PEBP4: variants seen among roughly 807,000 people sequenced by gnomAD.
PEBP4 encodes phosphatidylethanolamine-binding protein 4.
Under a neutral mutation model 23.9 loss-of-function variants are expected in PEBP4, and 22 were observed. The observed-to-expected ratio is 0.92, with a 90% CI of 0.66 to 1.31. The LOEUF is 1.31. Among genes scored for constraint, PEBP4 ranks in the 40% most tolerant of loss-of-function variants. The probability of loss-of-function intolerance (pLI) is 0.00; values close to 1 mark genes in which losing one functional copy is unlikely to be tolerated. For missense variants in PEBP4, 324 were observed against 281.7 expected (o/e 1.15, Z -1.07); for synonymous variants, 112 against 99.3 (o/e 1.13, Z -0.76).
At chr8:22,859,590 C>T (rs772833001) in intron 3 of PEBP4, among the ~76,000 whole-genome samples, 8 of 152,152 alleles carry the variant, frequency 5.3e-5, no homozygotes, top group Admixed American at 2.0e-4. Context: ...GTACCTGTGA[C>T]GGCTGTCTAG....
In PEBP4 at chr8:22,775,282, C is replaced by T. The variant is rs934327372; in HGVS notation, c.357+42355G>A. Among the ~76,000 whole-genome samples, 1 of 152,228 alleles carries T rather than the reference C, an allele frequency of 6.6e-6. No homozygotes were observed. The highest frequency in any genetic ancestry group is 1.5e-5 in the Non-Finnish European group (1 of 68,040). On this transcript the variant is annotated intron_variant, in intron 4 of 6. Transcript: ENST00000256404. This position sits in a 1 kb window ranked among gnomAD's most constrained non-coding sequence, Gnocchi z 4.8. ...TCAGGGACCCGGAAGCCCCAAGCAT[C>T]TGGCAAGGAGGGTTCCTGAGGTGGG... is the stretch of plus-strand genomic sequence containing the variant.
intron 4 of PEBP4, among the ~76,000 whole-genome samples, chr8:22,772,491 C>CTTT (rs1171525883): frequency 1.4e-4 from 13 of 93,432 alleles, no homozygotes; most frequent in African/African-American, 4.8e-4. Context: ...CTCTCTCTCT[C>CTTT]TCTTTTTTTT....
At chr8:22,778,180 T>G (rs914503473) in intron 4 of PEBP4, among the ~76,000 whole-genome samples, 1 of 152,018 alleles carries the variant, frequency 6.6e-6, no homozygotes, top group Non-Finnish European at 1.5e-5. Flanking sequence ...TTATCTGAGC[T>G]CTGCAGTGAT....
At chr8:22,870,225 C>T (rs534888935) in intron 3 of PEBP4, among the ~76,000 whole-genome samples, 43 of 152,314 alleles carry the variant, frequency 2.8e-4, no homozygotes, top group African/African-American at 1.0e-3. Context: ...CACCATGGCA[C>T]ATCCATGCAA....
At chr8:22,913,414 C>T (rs528451501) in intron 3 of PEBP4, among the ~76,000 whole-genome samples, 2 of 152,286 alleles carry the variant, frequency 1.3e-5, no homozygotes, top group African/African-American at 4.8e-5. Flanking sequence ...GTGACATCAT[C>T]ATTCCCCACG....
At chr8:22,754,966 A>G (rs1327834274) in intron 4 of PEBP4, 1 of 152,170 alleles carries the variant, frequency 6.6e-6, no homozygotes, top group East Asian at 1.9e-4. Flanking sequence ...CTGGTAGGCT[A>G]ATGAGGAGGG....
intron 3 of PEBP4, among the ~76,000 whole-genome samples, chr8:22,871,054 C>T (rs963306525): frequency 2.0e-5 from 3 of 152,108 alleles, no homozygotes; most frequent in Admixed American, 6.5e-5. Context: ...TACGCCTGAC[C>T]CCCAATCCCA....
intron 4 of PEBP4, among the ~76,000 whole-genome samples, chr8:22,734,171 G>A (rs1585242088): frequency 6.6e-6 from 1 of 152,314 alleles, no homozygotes; most frequent in East Asian, 1.9e-4. Flanking sequence ...GTAAGTGAGC[G>A]GAAGGCACTG....
intron 4 of PEBP4, among the ~76,000 whole-genome samples, chr8:22,760,718 G>A (rs1805490432): frequency 6.6e-6 from 1 of 152,116 alleles, no homozygotes; most frequent in Non-Finnish European, 1.5e-5. Context: ...TCTTCAATAT[G>A]CTAGCAAGTG....
intron 3 of PEBP4, among the ~76,000 whole-genome samples, chr8:22,859,986 G>A (rs148550871): frequency 1.8e-3 from 276 of 151,460 alleles, no homozygotes; most frequent in African/African-American, 6.4e-3. Flanking sequence ...GTATGATGGT[G>A]CACGCCTAAA....
chr8:22,742,995 C>A (rs1315350315), intron 4 of PEBP4, among the ~76,000 whole-genome samples: 1 of 152,194 alleles, frequency 6.6e-6, no homozygotes, highest in African/African-American at 2.4e-5. Flanking sequence ...CTGGAGGAGG[C>A]TGCATAGACT....
At chr8:22,751,610 C>CTG (rs1318478495) in intron 4 of PEBP4, among the ~76,000 whole-genome samples, 14 of 78,942 alleles carry the variant, frequency 1.8e-4, no homozygotes, top group South Asian at 4.6e-4. Flanking sequence ...GTGTGTGTGT[C>CTG]TGTGTGTGTG....
intron 3 of PEBP4, among the ~76,000 whole-genome samples, chr8:22,902,201 C>G (rs559447540): frequency 2.6e-5 from 4 of 151,670 alleles, no homozygotes; most frequent in African/African-American, 9.7e-5. Context: ...TGGTGGTGCA[C>G]GCCTGTAATC....
chr8:22,817,622 T>C lies in PEBP4; in HGVS notation c.357+15A>G. Reference sequence around the variant, plus strand: ...AACCCCAAATGCGTCAGAGAGTGCCTCTTGGCCTGCTTACCTTGATATCTG... The same window carrying C: ...AACCCCAAATGCGTCAGAGAGTGCCCCTTGGCCTGCTTACCTTGATATCTG... On this transcript the variant is annotated intron_variant, in intron 4 of 6. Transcript: ENST00000256404. The C allele has an allele frequency of 6.2e-7, 1 of 1,609,990 alleles. No individual in the cohort carries two copies. Among genetic ancestry groups the C allele is most frequent in the Non-Finnish European group, 8.5e-7 (1 of 1,176,258 alleles).
chr8:22,795,587 G>A (rs910944374), intron 4 of PEBP4, among the ~76,000 whole-genome samples: 1 of 151,956 alleles, frequency 6.6e-6, no homozygotes, highest in African/African-American at 2.4e-5. Flanking sequence ...CCCCATCCAG[G>A]GTGCACTTTA....
At chr8:22,864,848 G>A (rs1190598979) in intron 3 of PEBP4, among the ~76,000 whole-genome samples, 1 of 152,214 alleles carries the variant, frequency 6.6e-6, no homozygotes, top group African/African-American at 2.4e-5. Flanking sequence ...GCTGGGCACC[G>A]CCGAGCGCCA....
chr8:22,736,650 C>T (rs60875144), intron 4 of PEBP4, among the ~76,000 whole-genome samples: 1 of 152,112 alleles, frequency 6.6e-6, no homozygotes, highest in Non-Finnish European at 1.5e-5. Flanking sequence ...AAGCAAATAT[C>T]AGGAGTTTGT....
chr8:22,795,607 T>C (rs1444711531), intron 4 of PEBP4, among the ~76,000 whole-genome samples: 1 of 152,244 alleles, frequency 6.6e-6, no homozygotes, highest in East Asian at 1.9e-4. Flanking sequence ...AGAATCACCT[T>C]AAGGTCCAAT....
intron 3 of PEBP4, among the ~76,000 whole-genome samples, chr8:22,894,561 A>G (rs1808556086): frequency 6.6e-6 from 1 of 152,176 alleles, no homozygotes; most frequent in Admixed American, 6.5e-5. Context: ...CAGCTTGGGC[A>G]ACAGAGTGAG....
Sources: allele counts gnomAD v4.1 joint callset (sites outside exome capture counted in the v4.1 genomes callset), GRCh38; gene constraint gnomAD v4.1.1; non-coding constraint Gnocchi (gnomAD v3.1); transcripts MANE v1.5; gene names NCBI Gene and HGNC (gene_info 2026-07-23, HGNC 2026-07-21).